The following GFI1B variants were observed in gnomAD, a reference collection of about 807,000 sequenced individuals.
The protein encoded by GFI1B is zinc finger protein Gfi-1b.
GFI1B carries 20 observed loss-of-function variants against 35.3 expected under a neutral mutation model. That is an observed-to-expected ratio of 0.57 (90% CI 0.40 to 0.82). The LOEUF (loss-of-function observed/expected upper bound fraction) is 0.82. Among genes scored for constraint, GFI1B ranks in the 40% least tolerant of loss-of-function variants. GFI1B has a pLI of 0.00. For missense variants in GFI1B, 430 were observed against 446.3 expected, an observed-to-expected ratio of 0.96 and a Z score of 0.33; for synonymous variants, 178 against 177.6, an observed-to-expected ratio of 1.00 and a Z score of -0.02.
intron 1 of GFI1B, among the ~76,000 whole-genome samples, chr9:132,948,387 G>A (rs1309081714): frequency 6.6e-6 from 1 of 152,148 alleles, no homozygotes; most frequent in African/African-American, 2.4e-5. Flanking sequence ...AACCAGCTTT[G>A]CCCTGGCCTT....
chr9:132,991,694 G>A (rs1849299167), downstream of GFI1B: 1 of 156,904 alleles, frequency 6.4e-6, no homozygotes, highest in Non-Finnish European at 1.4e-5. Flanking sequence ...CAGATTTGCT[G>A]CCATGTGACC....
At chr9:132,986,103 G>C (rs1366551751) in intron 1 of GFI1B, among the ~76,000 whole-genome samples, 2 of 152,206 alleles carry the variant, frequency 1.3e-5, no homozygotes, top group Non-Finnish European at 2.9e-5. Context: ...AGCACAAACA[G>C]GTGGCTTAAA....
chr9:132,970,453 G>A (rs146729749), intron 1 of GFI1B, among the ~76,000 whole-genome samples: 26 of 152,282 alleles, frequency 1.7e-4, no homozygotes, highest in Admixed American at 8.5e-4. Context: ...ACGCACGCAC[G>A]CACACAGAGA....
intron 1 of GFI1B, among the ~76,000 whole-genome samples, chr9:132,979,087 G>T (rs1023560230): frequency 6.6e-6 from 1 of 152,102 alleles, no homozygotes; most frequent in Non-Finnish European, 1.5e-5. Flanking sequence ...TTGATTTTAG[G>T]CTGACAGACG....
chr9:132,982,395 C>T (rs1055617660), intron 1 of GFI1B, among the ~76,000 whole-genome samples: 2 of 152,144 alleles, frequency 1.3e-5, no homozygotes, highest in African/African-American at 4.8e-5. Flanking sequence ...GCCTGTTGAC[C>T]CAAGTCCAAC....
At position 132,968,113 on chromosome 9, in the gene GFI1B, T is replaced by G. The variant is rs137912294; in HGVS notation, c.-700-4612T>G. ...TTATTTATTTATTTATTTATTTATTTATTTATTTATTTATTTGATTTGAGA... is the reference window on the plus strand; with the variant it reads ...TTATTTATTTATTTATTTATTTATTGATTTATTTATTTATTTGATTTGAGA... On this transcript the variant is annotated intron_variant, in intron 1 of 10. Coordinates refer to the GFI1B transcript ENST00000339463. Among the ~76,000 whole-genome samples, 481 of 148,848 alleles carry G rather than the reference T, an allele frequency of 3.2e-3. 2 individuals carry two copies. The highest frequency in any genetic ancestry group is 0.011 in the African/African-American group (449 of 39,714).
chr9:132,960,662 AC>A (rs1310944165), intron 1 of GFI1B, among the ~76,000 whole-genome samples: 1 of 151,692 alleles, frequency 6.6e-6, no homozygotes, highest in Admixed American at 6.6e-5. Flanking sequence ...ACACCCGGAT[AC>A]TTTTTTTATT....
At chr9:132,984,335 G>C (rs1214675868) in intron 1 of GFI1B, among the ~76,000 whole-genome samples, 2 of 152,178 alleles carry the variant, frequency 1.3e-5, no homozygotes, top group African/African-American at 4.8e-5. Flanking sequence ...GCCCTGGTGA[G>C]GGAGGGGGAG....
intron 1 of GFI1B, among the ~76,000 whole-genome samples, chr9:132,951,004 A>ATTTTTTTTTTT (rs1848193397): frequency 6.6e-6 from 1 of 151,784 alleles, no homozygotes; most frequent in African/African-American, 2.4e-5. Flanking sequence ...CACCCAGCTA[A>ATTTTTTTTTTT]TTATTTTATT....
intron 1 of GFI1B, among the ~76,000 whole-genome samples, chr9:132,957,681 G>A (rs1039419459): frequency 1.3e-5 from 2 of 152,082 alleles, no homozygotes; most frequent in South Asian, 2.1e-4. Context: ...CATTTTTGTC[G>A]GTGGTAGCAT....
intron 1 of GFI1B, among the ~76,000 whole-genome samples, chr9:132,957,225 C>T (rs116432980): frequency 0.018 from 2,777 of 152,316 alleles, 94 homozygotes; most frequent in African/African-American, 0.063. Context: ...AGCACACAAA[C>T]GTGCATGGCT....
intron 2 of GFI1B, among the ~76,000 whole-genome samples, chr9:132,973,542 A>G (rs1259479060): frequency 6.6e-6 from 1 of 152,192 alleles, no homozygotes; most frequent in Non-Finnish European, 1.5e-5. Flanking sequence ...CAAGACAGGA[A>G]TCCAAGGGTC....
At chr9:132,988,041 T>C (rs1228336131) in intron 3 of GFI1B, among the ~76,000 whole-genome samples, 156 bp from the exon 4 acceptor site, 1 of 152,118 alleles carries the variant, frequency 6.6e-6, no homozygotes, top group African/African-American at 2.4e-5. Context: ...AGACAGAGTT[T>C]CACCACGTTG....
chr9:132,946,084 C>T (rs1016975380), intron 1 of GFI1B, among the ~76,000 whole-genome samples: 1 of 152,150 alleles, frequency 6.6e-6, no homozygotes, highest in Admixed American at 6.5e-5. Flanking sequence ...GGCCCCTATC[C>T]ACCAGCCCCA....
At chr9:132,982,322 A>G (rs1848855964) in intron 1 of GFI1B, among the ~76,000 whole-genome samples, 1 of 152,220 alleles carries the variant, frequency 6.6e-6, no homozygotes, top group Non-Finnish European at 1.5e-5. Context: ...CACAAGCTCC[A>G]GGACCCCAAA....
Position 132,963,120 on chromosome 9 carries a change from T to A in GFI1B, c.-700-9605T>A, listed in dbSNP as rs561925717. Among the ~76,000 whole-genome samples the A allele has an allele frequency of 2.6e-5, 4 of 151,202 alleles. 1 individual carries two copies. The South Asian group carries it at 8.4e-4, about 32-fold the overall frequency. ...AAAAAAAAAAGGAATCTATTTTTTC[T>A]CTTTGTTTACATGTTGTACACTAGT... On this transcript the variant is annotated intron_variant, in intron 1 of 10. Coordinates refer to the GFI1B transcript ENST00000339463.
intron 1 of GFI1B, among the ~76,000 whole-genome samples, chr9:132,960,748 C>A (rs1255397148): frequency 2.6e-5 from 4 of 151,892 alleles, no homozygotes; most frequent in Admixed American, 2.0e-4. Context: ...GAGATCCTCC[C>A]ACCTCAGTCT....
chr9:132,960,575 C>T (rs1482997095), intron 1 of GFI1B, among the ~76,000 whole-genome samples: 1 of 152,148 alleles, frequency 6.6e-6, no homozygotes, highest in African/African-American at 2.4e-5. Context: ...TAGCTCACTA[C>T]AGCCTCGAGC....
At chr9:132,958,281 C>T (rs546787112) in intron 1 of GFI1B, among the ~76,000 whole-genome samples, 9 of 152,108 alleles carry the variant, frequency 5.9e-5, no homozygotes, top group South Asian at 2.1e-4. Flanking sequence ...TGTGTTAGGC[C>T]GTTCTTGCGT....
Sources: gnomAD v4.1 joint callset for allele counts (sites outside exome capture counted in the v4.1 genomes callset) on GRCh38, gnomAD v4.1.1 for gene constraint, MANE v1.5 for transcripts, NCBI Gene and HGNC (gene_info 2026-07-23, HGNC 2026-07-21) for gene names.